PCDHGB4: variants seen among roughly 807,000 people sequenced by gnomAD.
The protein encoded by PCDHGB4 is protocadherin gamma-B4.
PCDHGB4 carries 38 observed loss-of-function variants against 60.5 expected under a neutral mutation model. The ratio of observed to expected loss-of-function variants is 0.63; its 90% confidence interval spans 0.48 to 0.82. The LOEUF (loss-of-function observed/expected upper bound fraction) is 0.82. PCDHGB4 is among the 40% of genes least tolerant of loss of function. The pLI, the probability that PCDHGB4 is intolerant of heterozygous loss-of-function variation, is 0.00. For missense variants in PCDHGB4, 1,109 were observed against 1,209.6 expected, an observed-to-expected ratio of 0.92 and a Z score of 1.23; for synonymous variants, 456 against 509.7, an observed-to-expected ratio of 0.89 and a Z score of 1.42.
At chr5:141,421,089 T>A (rs1047424267) in intron 1 of PCDHGB4, 25 of 661,836 alleles carry the variant, frequency 3.8e-5, no homozygotes, top group Middle Eastern at 4.1e-4. Context: ...TCACAGATCC[T>A]GACACTGGAG....
intron 1 of PCDHGB4, chr5:141,440,348 C>G (rs2098169693): frequency 6.6e-6 from 1 of 152,190 alleles, no homozygotes; most frequent in South Asian, 2.1e-4. Flanking sequence ...GGCCTATAAT[C>G]CTAGCTACTC....
rs759899934 is a variant in PCDHGB4, at chr5:141,421,255, C to G, written c.2397+30974C>G. The stretch of plus-strand genomic sequence containing the variant: ...GGCGAATCGGCTACAGCGCGGGGAC[C>G]GCAGTCGGCTGCTGCTGCTGCTGTG... On this transcript the variant is annotated intron_variant, in intron 1 of 3. Coordinates refer to ENST00000519479, the MANE Select transcript of PCDHGB4 (RefSeq NM_003736.4). The G allele has an allele frequency of 6.0e-5, 97 of 1,607,644 alleles. No individual in the cohort carries two copies. Among genetic ancestry groups the G allele is most frequent in the Middle Eastern group, 3.3e-4 (2 of 6,058 alleles).
chr5:141,485,895 C>G lies in PCDHGB4; in HGVS notation c.2398-8912C>G, dbSNP rs1243568042. On this transcript the variant is annotated intron_variant, in intron 1 of 3. Coordinates refer to ENST00000519479, the MANE Select transcript of PCDHGB4 (RefSeq NM_003736.4). This position sits in a 1 kb window ranked among gnomAD's most constrained non-coding sequence, Gnocchi z 5.7. Reference sequence around the variant, plus strand: ...CTGGACGTAAACGACAACGCCCCAGCCTTCCAGCAATCCAGCTACAGGATT... The same window carrying G: ...CTGGACGTAAACGACAACGCCCCAGGCTTCCAGCAATCCAGCTACAGGATT... 3 of 1,614,136 alleles carry G rather than the reference C, an allele frequency of 1.9e-6. No individual in the cohort carries two copies. The highest frequency in any genetic ancestry group is 2.5e-6 in the Non-Finnish European group (3 of 1,180,036).
intron 2 of PCDHGB4, among the ~76,000 whole-genome samples, chr5:141,501,530 G>A (rs556760554): frequency 3.5e-4 from 53 of 151,998 alleles, no homozygotes; most frequent in Admixed American, 2.2e-3. Context: ...AGCCCAGTAC[G>A]TTGTTGTGCA....
chr5:141,481,691 C>T (rs929210528), intron 1 of PCDHGB4, among the ~76,000 whole-genome samples: 7 of 152,080 alleles, frequency 4.6e-5, no homozygotes, highest in African/African-American at 1.4e-4. Flanking sequence ...TGGTGGCTCA[C>T]GCCTGTAATC....
intron 1 of PCDHGB4, chr5:141,399,769 G>A (rs369379702): frequency 2.6e-5 from 42 of 1,613,216 alleles, no homozygotes; most frequent in Non-Finnish European, 3.5e-5. Flanking sequence ...GCGCGTGTTG[G>A]TGGGCGACCG....
chr5:141,491,178 C>T lies in PCDHGB4; in HGVS notation c.2398-3629C>T, dbSNP rs774139827. 6.2e-7 allele frequency: 1 copy of T among 1,614,146 alleles called. No individual in the cohort carries two copies. The highest frequency in any genetic ancestry group is 8.5e-7 in the Non-Finnish European group (1 of 1,179,992). On this transcript the variant is annotated intron_variant, in intron 1 of 3. Coordinates refer to ENST00000519479, the MANE Select transcript of PCDHGB4 (RefSeq NM_003736.4). The surrounding 1 kb of genome is among the most constrained non-coding windows in gnomAD (Gnocchi z 6.9). ...ACTCTGACACCCAGCAGGTGGTGGT[C>T]CTGGTGAGGGACAATGGTGACCCTT...
intron 1 of PCDHGB4, among the ~76,000 whole-genome samples, chr5:141,457,415 C>T (rs185690067): frequency 3.9e-4 from 60 of 152,300 alleles, no homozygotes; most frequent in African/African-American, 1.3e-3. Flanking sequence ...CATTACCCAT[C>T]CCTTTTTCCC....
At position 141,490,558 on chromosome 5, in the gene PCDHGB4, A is replaced by G. The variant is rs765890709; in HGVS notation, c.2398-4249A>G. 3.1e-5 allele frequency: 50 copies of G among 1,614,042 alleles called. No individual in the cohort carries two copies. The East Asian group carries it at 1.0e-3, about 34-fold the overall frequency. ...ACCTTCCCTACACAAACATCTCACC[A>G]TCAGGCTCAACATTTCAGATGTCAA... On this transcript the variant is annotated intron_variant, in intron 1 of 3. Transcript: ENST00000519479. This position sits in a 1 kb window ranked among gnomAD's most constrained non-coding sequence, Gnocchi z 5.4.
chr5:141,494,613 G>A (rs2099755672), intron 1 of PCDHGB4, among the ~76,000 whole-genome samples, 194 bp from the exon 2 acceptor site: 1 of 152,136 alleles, frequency 6.6e-6, no homozygotes, highest in Non-Finnish European at 1.5e-5. Context: ...TTATCTCTTG[G>A]TTTCTGGTAC....
intron 1 of PCDHGB4, among the ~76,000 whole-genome samples, chr5:141,444,466 C>A (rs539222916): frequency 1.3e-5 from 2 of 151,982 alleles, no homozygotes; most frequent in African/African-American, 4.8e-5. Flanking sequence ...TCACTGCGCC[C>A]GGTCGCGTAC....
At position 141,476,666 on chromosome 5, in the gene PCDHGB4, G is replaced by A. The variant is rs2099395856; in HGVS notation, c.2398-18141G>A. On this transcript the variant is annotated intron_variant, in intron 1 of 3. Coordinates refer to ENST00000519479, the MANE Select transcript of PCDHGB4 (RefSeq NM_003736.4). The surrounding 1 kb of genome is among the most constrained non-coding windows in gnomAD (Gnocchi z 7.6). The stretch of plus-strand genomic sequence containing the variant: ...CCGAAATGAATACTTTGCGCTTCGC[G>A]TGCAGACGCGGGAGGACAGCACCAA... 6.2e-7 allele frequency: 1 copy of A among 1,614,128 alleles called. No individual in the cohort carries two copies.
chr5:141,494,745 G>C, intron 1 of PCDHGB4, 62 bp from the exon 2 acceptor site: 1 of 1,612,802 alleles, frequency 6.2e-7, no homozygotes, highest in Middle Eastern at 1.7e-4. Flanking sequence ...ATCCCTAGGG[G>C]CTCGGGTGAC....
chr5:141,465,782 T>G (rs2099109563), intron 1 of PCDHGB4, among the ~76,000 whole-genome samples: 1 of 152,076 alleles, frequency 6.6e-6, no homozygotes, highest in African/African-American at 2.4e-5. Flanking sequence ...TGTTACAGTT[T>G]TTTTTTTTTT....
chr5:141,418,324 G>A, intron 1 of PCDHGB4: 2 of 1,614,006 alleles, frequency 1.2e-6, no homozygotes, highest in Non-Finnish European at 1.7e-6. Context: ...CAATTCTTGA[G>A]TCTGCAGAAG....
intron 1 of PCDHGB4, chr5:141,421,352 AGG>A: frequency 6.2e-7 from 1 of 1,613,946 alleles, no homozygotes; most frequent in Non-Finnish European, 8.5e-7. Context: ...GAGACCGAAA[AGG>A]GCTCCTTCGT....
chr5:141,428,358 G>T, intron 1 of PCDHGB4: 1 of 565,492 alleles, frequency 1.8e-6, no homozygotes, highest in Non-Finnish European at 3.2e-6. Flanking sequence ...TGATTTTGGC[G>T]GTCGCCTTGC....
chr5:141,444,475 A>C (rs572738630), intron 1 of PCDHGB4, among the ~76,000 whole-genome samples: 2 of 152,110 alleles, frequency 1.3e-5, no homozygotes, highest in East Asian at 3.9e-4. Context: ...CCGGTCGCGT[A>C]CTGGATTTAT....
intron 1 of PCDHGB4, chr5:141,397,991 C>T (rs960718940): frequency 1.5e-6 from 2 of 1,340,100 alleles, no homozygotes; most frequent in African/African-American, 3.0e-5. Context: ...TACACCGCTT[C>T]CTCCTCGGAA....
Sources: allele counts gnomAD v4.1 joint callset (sites outside exome capture counted in the v4.1 genomes callset), GRCh38; gene constraint gnomAD v4.1.1; non-coding constraint Gnocchi (gnomAD v3.1); transcripts MANE v1.5; gene names NCBI Gene and HGNC (gene_info 2026-07-23, HGNC 2026-07-21).